TUSC3: variants seen among roughly 807,000 people sequenced by gnomAD.
TUSC3 encodes tumor suppressor candidate 3.
Under a neutral mutation model 44.8 loss-of-function variants are expected in TUSC3, and 45 were observed. The ratio of observed to expected loss-of-function variants is 1.00; its 90% CI spans 0.79 to 1.29. The LOEUF (loss-of-function observed/expected upper bound fraction) is 1.29, where lower values mean the gene tolerates loss of function less well. Ranked by LOEUF, TUSC3 falls within the 50% of genes most tolerant of loss-of-function variation. TUSC3 has a pLI of 0.00. For synonymous variants in TUSC3, 212 were observed against 152.9 expected (o/e 1.39, Z -2.85); for missense variants, 519 against 437.9 (o/e 1.19, Z -1.65).
At chr8:15,597,636 A>G (rs1804125421) in intron 1 of TUSC3, among the ~76,000 whole-genome samples, 2 of 152,146 alleles carry the variant, frequency 1.3e-5, no homozygotes, top group South Asian at 4.1e-4. Context: ...TTGGATATGT[A>G]TAGTAAGCTA....
intron 3 of TUSC3, among the ~76,000 whole-genome samples, chr8:15,651,782 A>T (rs1806916904): frequency 6.6e-6 from 1 of 152,194 alleles, no homozygotes; most frequent in Admixed American, 6.5e-5. Flanking sequence ...AAGCTTATTT[A>T]CCCAGTATTC....
the TUSC3 span, among the ~76,000 whole-genome samples, chr8:15,824,387 T>C: frequency 1.2e-4 from 19 of 152,130 alleles, no homozygotes; most frequent in African/African-American, 4.6e-4. Flanking sequence ...GGGCTTAATA[T>C]ATACAAACTT....
chr8:15,493,097 A>T (rs536012099), intron 2 of TUSC3, among the ~76,000 whole-genome samples: 1 of 152,208 alleles, frequency 6.6e-6, no homozygotes, highest in Non-Finnish European at 1.5e-5. Context: ...ACACAAAAAA[A>T]ATCCTGCAAG....
At chr8:15,484,554 A>G (rs570296161) in intron 2 of TUSC3, among the ~76,000 whole-genome samples, 28 of 152,030 alleles carry the variant, frequency 1.8e-4, no homozygotes, top group Non-Finnish European at 3.8e-4. Flanking sequence ...CAACATGTCT[A>G]TCTCTTTCTC....
chr8:15,756,695 C>T (rs1402155986), intron 9 of TUSC3, among the ~76,000 whole-genome samples: 1 of 152,102 alleles, frequency 6.6e-6, no homozygotes, highest in African/African-American at 2.4e-5. Flanking sequence ...CAACTGGAAC[C>T]ATTAAAATAC....
Position 15,764,365 on chromosome 8 carries a change from TTAA to T in TUSC3, c.*211_*213del, listed in dbSNP as rs1812269674. The T allele has an allele frequency of 3.7e-6, 3 of 800,440 alleles. No individual in the cohort carries two copies. Among genetic ancestry groups the T allele is most frequent in the Non-Finnish European group, 5.9e-6 (3 of 505,474 alleles). 49.6% of individuals were successfully genotyped at this position (800,440 alleles called of 1,614,324 possible). On this transcript the variant is annotated 3_prime_UTR_variant, in exon 11 of 11. Coordinates refer to ENST00000503731, the MANE Select transcript of TUSC3 (RefSeq NM_006765.4). ...TAAACTGTGGGTTTTCCTAGTAAATTTAATTTACAGAAATCAATGGTAGCATTT... is the reference window on the plus strand; with the variant it reads ...TAAACTGTGGGTTTTCCTAGTAAATTTTTACAGAAATCAATGGTAGCATTT...
At chr8:15,740,537 G>A (rs1811147354) in intron 7 of TUSC3, among the ~76,000 whole-genome samples, 2 of 151,270 alleles carry the variant, frequency 1.3e-5, no homozygotes, top group Admixed American at 6.6e-5. Context: ...AGAACAAGCA[G>A]TGTGCCAAAG....
At chr8:15,591,438 G>A (rs1803835972) in intron 1 of TUSC3, among the ~76,000 whole-genome samples, 1 of 152,044 alleles carries the variant, frequency 6.6e-6, no homozygotes, top group South Asian at 2.1e-4. Context: ...TATCTGTTGG[G>A]TAGTTACTAT....
At chr8:15,675,836 T>G (rs930333825) in intron 6 of TUSC3, among the ~76,000 whole-genome samples, 1 of 152,192 alleles carries the variant, frequency 6.6e-6, no homozygotes, top group African/African-American at 2.4e-5. Context: ...ATCCACACTG[T>G]GGATGGACAC....
chr8:15,785,061 AAAG>A, the TUSC3 span, among the ~76,000 whole-genome samples: 4 of 152,044 alleles, frequency 2.6e-5, no homozygotes, highest in South Asian at 2.1e-4. Context: ...CATTTTTTTA[AAAG>A]AAGAAAAAAG....
the TUSC3 span, among the ~76,000 whole-genome samples, chr8:15,779,611 C>G: frequency 6.6e-6 from 1 of 152,118 alleles, no homozygotes; most frequent in East Asian, 1.9e-4. Context: ...CAATTTACAT[C>G]GATAATTACT....
At chr8:15,816,998 C>T in the TUSC3 span, among the ~76,000 whole-genome samples, 1 of 152,052 alleles carries the variant, frequency 6.6e-6, no homozygotes, top group African/African-American at 2.4e-5. Context: ...ATGTGAAGGC[C>T]AGAAACTGAA....
intron 1 of TUSC3, chr8:15,483,308 A>G: frequency 5.5e-6 from 1 of 181,088 alleles, no homozygotes; most frequent in Non-Finnish European, 1.1e-5. Context: ...ATAAAGAAAA[A>G]GCACTGTTTT....
downstream of TUSC3, among the ~76,000 whole-genome samples, chr8:15,768,506 G>C (rs562092613): frequency 6.6e-6 from 1 of 152,158 alleles, no homozygotes; most frequent in African/African-American, 2.4e-5. Flanking sequence ...GCTAGACGAG[G>C]ACATTAATGT....
intron 6 of TUSC3, among the ~76,000 whole-genome samples, chr8:15,703,128 T>A (rs1809474884): frequency 6.6e-6 from 1 of 152,162 alleles, no homozygotes; most frequent in African/African-American, 2.4e-5. Flanking sequence ...TCATTTTAGT[T>A]GCATAGCTTG....
chr8:15,464,519 C>T (rs942067894), intron 1 of TUSC3, among the ~76,000 whole-genome samples: 1 of 152,104 alleles, frequency 6.6e-6, no homozygotes, highest in African/African-American at 2.4e-5. Flanking sequence ...ATCTGTTTGA[C>T]ACCTGAAACA....
chr8:15,593,531 T>C (rs1227103904), intron 1 of TUSC3, among the ~76,000 whole-genome samples: 1 of 152,204 alleles, frequency 6.6e-6, no homozygotes, highest in Non-Finnish European at 1.5e-5. Flanking sequence ...ATCTACATTC[T>C]GAGTTCATTG....
intron 1 of TUSC3, among the ~76,000 whole-genome samples, chr8:15,421,370 G>A (rs767958592): frequency 2.6e-5 from 4 of 151,934 alleles, no homozygotes; most frequent in Non-Finnish European, 4.4e-5. Flanking sequence ...CACTACCTTT[G>A]AGCCCTTACG....
chr8:15,526,833 A>T (rs1801379812), intron 2 of TUSC3, among the ~76,000 whole-genome samples: 1 of 152,152 alleles, frequency 6.6e-6, no homozygotes, highest in South Asian at 2.1e-4. Context: ...GTTGAGGGAG[A>T]CTAGGGGTGG....
Sources: allele counts gnomAD v4.1 joint callset (sites outside exome capture counted in the v4.1 genomes callset), GRCh38; gene constraint gnomAD v4.1.1; transcripts MANE v1.5; gene names NCBI Gene and HGNC (gene_info 2026-07-23, HGNC 2026-07-21).